The following BBS4 variants were observed in gnomAD, a reference collection of about 807,000 sequenced individuals.
BBS4 encodes Bardet-Biedl syndrome 4.
Under a neutral mutation model 71.4 loss-of-function variants are expected in BBS4, and 58 were observed. The ratio of observed to expected loss-of-function variants is 0.81; its 90% CI spans 0.66 to 1.01. BBS4 has a LOEUF of 1.01. Ranked by LOEUF, BBS4 falls within the 50% of genes least tolerant of loss-of-function variation. The pLI is 0.00. For missense variants in BBS4, 660 were observed against 607.9 expected, an observed-to-expected ratio of 1.09 and a Z score of -0.90; for synonymous variants, 228 against 216.8, an observed-to-expected ratio of 1.05 and a Z score of -0.46.
chr15:72,737,743 C>A lies in BBS4; in HGVS notation c.*156C>A. ...AGCAGTTGAGCCTAAGGTCCTTCTACCTACCTGGTATTGGCATTTGAGGTC... is the reference window on the plus strand; with the variant it reads ...AGCAGTTGAGCCTAAGGTCCTTCTAACTACCTGGTATTGGCATTTGAGGTC... On this transcript the variant is annotated 3_prime_UTR_variant, in exon 16 of 16. Coordinates refer to ENST00000268057, the MANE Select transcript of BBS4 (RefSeq NM_033028.5). The A allele has an allele frequency of 1.5e-6, 1 of 684,888 alleles. No individual in the cohort carries two copies. Among genetic ancestry groups the A allele is most frequent in the Non-Finnish European group, 2.6e-6 (1 of 381,940 alleles). 42.4% of individuals were successfully genotyped at this position (684,888 alleles called of 1,614,324 possible). A position where few individuals can be genotyped will look rare whatever the true frequency, so the allele number is the denominator to read the frequency against.
chr15:72,717,664 A>G (rs552886935), intron 6 of BBS4, among the ~76,000 whole-genome samples: 2 of 152,290 alleles, frequency 1.3e-5, no homozygotes, highest in African/African-American at 4.8e-5. Context: ...ATCTGGTCAC[A>G]CTGCCACTCT....
In BBS4 at chr15:72,712,367, A is replaced by G; in HGVS notation, c.220+60A>G. 2 of 1,509,630 alleles carry G rather than the reference A, an allele frequency of 1.3e-6. 1 individual carries two copies. The highest frequency in any genetic ancestry group is 1.8e-6 in the Non-Finnish European group (2 of 1,087,718). 93.5% of individuals were successfully genotyped at this position (1,509,630 alleles called of 1,614,324 possible). On this transcript the variant is annotated intron_variant, in intron 4 of 15. Coordinates refer to ENST00000268057, the MANE Select transcript of BBS4 (RefSeq NM_033028.5). ...AATACACTTTTCCTAGGTTCTTGAA[A>G]AAGATCAGGCAATTGAAGAAACAAG... is the stretch of plus-strand genomic sequence containing the variant.
intron 1 of BBS4, among the ~76,000 whole-genome samples, chr15:72,693,826 T>C (rs1021226127): frequency 3.9e-5 from 6 of 152,174 alleles, no homozygotes; most frequent in East Asian, 1.9e-4. Context: ...TATTGTGATA[T>C]TGTCTTCCAT....
At chr15:72,694,742 A>G (rs2065044811) in intron 1 of BBS4, among the ~76,000 whole-genome samples, 1 of 152,148 alleles carries the variant, frequency 6.6e-6, no homozygotes, top group Non-Finnish European at 1.5e-5. Context: ...GTGGAAAATA[A>G]CTATCTCCCT....
At chr15:72,694,197 T>C (rs1471612370) in intron 1 of BBS4, among the ~76,000 whole-genome samples, 1 of 150,536 alleles carries the variant, frequency 6.6e-6, no homozygotes, top group East Asian at 1.9e-4. Flanking sequence ...TCTTTCCTTT[T>C]TTTTTTTTTT....
chr15:72,696,898 A>AT (rs1426526639), intron 2 of BBS4, among the ~76,000 whole-genome samples: 1 of 149,514 alleles, frequency 6.7e-6, no homozygotes, highest in African/African-American at 2.5e-5. Flanking sequence ...GGTTATGTAA[A>AT]TTTTTCAGTG....
At chr15:72,733,248 A>G (rs918734177) in intron 12 of BBS4, among the ~76,000 whole-genome samples, 2 of 152,062 alleles carry the variant, frequency 1.3e-5, no homozygotes, top group African/African-American at 4.8e-5. Flanking sequence ...TAAGCCCAGG[A>G]GTTGGGAGTA....
chr15:72,704,672 G>A (rs1197122322), intron 2 of BBS4, among the ~76,000 whole-genome samples: 1 of 152,076 alleles, frequency 6.6e-6, no homozygotes, highest in African/African-American at 2.4e-5. Context: ...TTGAGGTCAG[G>A]AGTTCAAGAC....
In BBS4 at chr15:72,727,947, C is replaced by T. The variant is rs371598044; in HGVS notation, c.595C>T (p.Pro199Ser). The stretch of plus-strand genomic sequence containing the variant: ...AGCATCTCTATGTTGCAGGTTCTCA[C>T]CAGAAAATACAGAGCTTCTTACAAC... ...EVYKKAVEFS[P>S]ENTELLTTLG... The change falls in exon 9 of 16, where the codon CCA becomes TCA. Residue 199 changes from proline to serine, a missense_variant. By Grantham distance (74) the Pro-to-Ser change is moderately conservative. Coordinates refer to ENST00000268057, the MANE Select transcript of BBS4 (RefSeq NM_033028.5). 3 of 1,612,134 alleles carry T rather than the reference C, an allele frequency of 1.9e-6. No individual in the cohort carries two copies. The African/African-American group carries it at 4.0e-5, about 22-fold the overall frequency.
At position 72,706,843 on chromosome 15, in the gene BBS4, A is replaced by T. The variant is rs572414448; in HGVS notation, c.77-2857A>T. On this transcript the variant is annotated intron_variant, in intron 2 of 15. Coordinates refer to ENST00000268057, the MANE Select transcript of BBS4 (RefSeq NM_033028.5). Reference sequence around the variant, plus strand: ...AGCATTACTTCTTTTTTATTTTTTTAAAAAAATTAAATTTTTTGTTGAAAT... The same window carrying T: ...AGCATTACTTCTTTTTTATTTTTTTTAAAAAATTAAATTTTTTGTTGAAAT... 1.9e-3 allele frequency among the ~76,000 whole-genome samples: 293 copies of T among 151,974 alleles called. 1 individual carries two copies. The highest frequency in any genetic ancestry group is 5.2e-3 in the African/African-American group (217 of 41,454).
chr15:72,709,514 A>G (rs2065327177), intron 2 of BBS4, among the ~76,000 whole-genome samples, 186 bp from the exon 3 acceptor site: 1 of 152,240 alleles, frequency 6.6e-6, no homozygotes, highest in South Asian at 2.1e-4. Flanking sequence ...ATGTAGTAGT[A>G]GAACAAGTAT....
At chr15:72,713,921 G>A (rs2065422095) in intron 4 of BBS4, among the ~76,000 whole-genome samples, 1 of 152,186 alleles carries the variant, frequency 6.6e-6, no homozygotes, top group Non-Finnish European at 1.5e-5. Context: ...TAATTACTGT[G>A]TTGGATTTGA....
chr15:72,726,776 G>GTA lies in BBS4; in HGVS notation c.588-1163_588-1162dup, dbSNP rs2065710756. Among the ~76,000 whole-genome samples the GTA allele has an allele frequency of 2.6e-5, 4 of 152,202 alleles. No homozygotes were observed. The South Asian group carries it at 8.3e-4, about 32-fold the overall frequency. ...TTCAGTGCCTCTGTGGTGCTAGGTA[G>GTA]TAGCCCTGATCCCTGACCCCTGCCT... On this transcript the variant is annotated intron_variant, in intron 8 of 15. Transcript: ENST00000268057.
At chr15:72,697,818 A>G (rs904460256) in intron 2 of BBS4, among the ~76,000 whole-genome samples, 14 of 152,186 alleles carry the variant, frequency 9.2e-5, no homozygotes, top group Admixed American at 3.3e-4. Flanking sequence ...ATGACTGCCA[A>G]CTGTGGAAGG....
intron 1 of BBS4, among the ~76,000 whole-genome samples, chr15:72,688,411 C>CTTTTTTTTTTTTTTTTTT (rs58644289): frequency 0.023 from 1,890 of 83,030 alleles, 378 homozygotes; most frequent in Middle Eastern, 0.037. Flanking sequence ...GGTATTTTAT[C>CTTTTTTTTTTTTTTTTTT]TTTTTTTTTT....
chr15:72,718,358 T>G (rs568436396), intron 6 of BBS4, among the ~76,000 whole-genome samples: 11 of 152,222 alleles, frequency 7.2e-5, no homozygotes, highest in Non-Finnish European at 1.5e-4. Flanking sequence ...CTTCTCAGAA[T>G]TATCTTTTTC....
intron 1 of BBS4, among the ~76,000 whole-genome samples, chr15:72,693,015 G>A (rs1160203314): frequency 6.6e-6 from 1 of 151,864 alleles, no homozygotes; most frequent in African/African-American, 2.4e-5. Flanking sequence ...TCATGCCTTG[G>A]AAGTTATACT....
chr15:72,688,409 A>ATTTTTTTTTTTTTTTT (rs1188469848), intron 1 of BBS4, among the ~76,000 whole-genome samples: 12 of 24,104 alleles, frequency 5.0e-4, no homozygotes, highest in East Asian at 5.1e-3. Context: ...GTGGTATTTT[A>ATTTTTTTTTTTTTTTT]TCTTTTTTTT....
chr15:72,694,950 G>A (rs1339723663), intron 1 of BBS4, among the ~76,000 whole-genome samples: 4 of 152,128 alleles, frequency 2.6e-5, no homozygotes, highest in African/African-American at 9.7e-5. Context: ...AATGCACATT[G>A]TAAATATTAT....
Sources: allele counts gnomAD v4.1 joint callset (sites outside exome capture counted in the v4.1 genomes callset), GRCh38; gene constraint gnomAD v4.1.1; transcripts MANE v1.5; gene names NCBI Gene and HGNC (gene_info 2026-07-23, HGNC 2026-07-21).